Variants in SOX6 observed in about 807,000 individuals in gnomAD.
The protein encoded by SOX6 is SRY-box transcription factor 6, also known as transcription factor SOX-6.
Under a neutral mutation model 97.8 loss-of-function variants are expected in SOX6, and 11 were observed. The ratio of observed to expected loss-of-function variants is 0.11; its 90% CI spans 0.07 to 0.19. The LOEUF (loss-of-function observed/expected upper bound fraction) is 0.19. SOX6 is among the 10% of genes least tolerant of loss of function. SOX6 has a pLI of 1.00. For synonymous variants in SOX6, 360 were observed against 371.4 expected (o/e 0.97, Z 0.35); for missense variants, 810 against 1,039.5 (o/e 0.78, Z 3.04).
At chr11:16,104,942 C>A (rs955206773) in intron 7 of SOX6, among the ~76,000 whole-genome samples, 3 of 151,750 alleles carry the variant, frequency 2.0e-5, no homozygotes, top group African/African-American at 7.3e-5. Flanking sequence ...ATGGCTTTAC[C>A]AACGGATTCT....
Position 16,395,867 on chromosome 11 carries a change from C to T in SOX6, c.-4-54615G>A, listed in dbSNP as rs547763708. On this transcript the variant is annotated intron_variant, in intron 1 of 15. Transcript: ENST00000396356. ...CAACTATATTGGTAATATTTTATTT[C>T]TTATAAACACAGGTATTTATACCAT... is the stretch of plus-strand genomic sequence containing the variant. Among the ~76,000 whole-genome samples, 12 of 151,874 alleles carry T rather than the reference C, an allele frequency of 7.9e-5. No individual in the cohort carries two copies. In the South Asian group the frequency reaches 2.5e-3, roughly 31 times the overall value.
In SOX6 at chr11:16,393,253, C is replaced by T. The variant is rs556901861; in HGVS notation, c.-4-52001G>A. ...ATTCTTTTAACCTAAGGGAAGCTTTCGCCAATGAGCCCAGGAAAGAGTAAG... is the reference window on the plus strand; with the variant it reads ...ATTCTTTTAACCTAAGGGAAGCTTTTGCCAATGAGCCCAGGAAAGAGTAAG... On this transcript the variant is annotated intron_variant, in intron 1 of 15. Transcript: ENST00000396356. 3.3e-5 allele frequency among the ~76,000 whole-genome samples: 5 copies of T among 152,034 alleles called. No individual in the cohort carries two copies. In the South Asian group the frequency reaches 1.0e-3, roughly 32 times the overall value.
At chr11:16,371,458 T>C (rs1269416786) in intron 1 of SOX6, among the ~76,000 whole-genome samples, 1 of 151,836 alleles carries the variant, frequency 6.6e-6, no homozygotes, top group Non-Finnish European at 1.5e-5. Context: ...TATAATAACT[T>C]ACTTTTTCTT....
At chr11:16,720,523 T>G (rs1848252434) in intron 2 of SOX6, among the ~76,000 whole-genome samples, 1 of 123,036 alleles carries the variant, frequency 8.1e-6, no homozygotes, top group Non-Finnish European at 1.7e-5. Context: ...AAGGGGAACA[T>G]CACACTCTGG....
chr11:16,443,851 A>G (rs894750610), intron 1 of SOX6, among the ~76,000 whole-genome samples: 6 of 152,020 alleles, frequency 3.9e-5, no homozygotes, highest in African/African-American at 1.4e-4. Flanking sequence ...CATCTCTACT[A>G]AAAATACAAA....
intron 3 of SOX6, among the ~76,000 whole-genome samples, chr11:16,690,776 A>G (rs1050171354): frequency 6.6e-6 from 1 of 152,236 alleles, no homozygotes; most frequent in Non-Finnish European, 1.5e-5. Flanking sequence ...AGTGGGAATA[A>G]TAATTTGTGG....
intron 4 of SOX6, among the ~76,000 whole-genome samples, chr11:16,498,561 C>T (rs1341952436): frequency 6.6e-6 from 1 of 152,002 alleles, no homozygotes; most frequent in Non-Finnish European, 1.5e-5. Context: ...ATTCAGGAAA[C>T]CCATCTCACG....
intron 6 of SOX6, among the ~76,000 whole-genome samples, chr11:16,123,779 C>A (rs1412998067): frequency 6.6e-6 from 1 of 151,974 alleles, no homozygotes; most frequent in East Asian, 1.9e-4. Context: ...TTTTAAAAAG[C>A]AATTTAATTT....
At chr11:16,474,363 G>T (rs1383917150) in intron 1 of SOX6, among the ~76,000 whole-genome samples, 1 of 152,066 alleles carries the variant, frequency 6.6e-6, no homozygotes, top group Non-Finnish European at 1.5e-5. Flanking sequence ...ACGTTGCCCA[G>T]ATCAATTAGC....
chr11:16,132,339 AAAGAAAG>A (rs1290296750), intron 6 of SOX6, among the ~76,000 whole-genome samples: 2 of 19,334 alleles, frequency 1.0e-4, no homozygotes, highest in South Asian at 4.0e-3. Context: ...AGGAAAGAAA[AAAGAAAG>A]AAAGAAAGAA....
chr11:16,114,990 G>C (rs2133998911), intron 6 of SOX6, among the ~76,000 whole-genome samples: 1 of 152,252 alleles, frequency 6.6e-6, no homozygotes, highest in East Asian at 1.9e-4. Flanking sequence ...ATGCCAAAGA[G>C]CTGTAGGTGT....
At position 16,369,199 on chromosome 11, in the gene SOX6, T is replaced by C. The variant is rs1857440237; in HGVS notation, c.-4-27947A>G. On this transcript the variant is annotated intron_variant, in intron 1 of 15. Transcript: ENST00000396356. ...AGATACCACTTCATGTCCATTAGGA[T>C]GGCTATTACTAAAAAAAATGAAAAA... 2.6e-5 allele frequency among the ~76,000 whole-genome samples: 4 copies of C among 152,142 alleles called. No individual in the cohort carries two copies. The South Asian group carries it at 8.3e-4, about 32-fold the overall frequency.
At chr11:16,470,996 G>A (rs1230184203) in intron 1 of SOX6, among the ~76,000 whole-genome samples, 1 of 151,656 alleles carries the variant, frequency 6.6e-6, no homozygotes, top group South Asian at 2.1e-4. Flanking sequence ...AGTCAAGATA[G>A]AATTTTTTAA....
chr11:16,329,697 CACTT>C (rs1856223401), intron 2 of SOX6, among the ~76,000 whole-genome samples: 1 of 152,118 alleles, frequency 6.6e-6, no homozygotes, highest in South Asian at 2.1e-4. Context: ...AAAAATAAAA[CACTT>C]AGAACAGTGG....
At chr11:16,654,931 C>T (rs1847702687) in intron 3 of SOX6, among the ~76,000 whole-genome samples, 1 of 152,100 alleles carries the variant, frequency 6.6e-6, no homozygotes, top group South Asian at 2.1e-4. Flanking sequence ...ATCACTGTTC[C>T]CCTTTTCTAA....
chr11:15,988,949 G>T (rs752216140), intron 14 of SOX6, 48 bp downstream of exon 14: 11 of 1,552,364 alleles, frequency 7.1e-6, no homozygotes, highest in Non-Finnish European at 9.8e-6. Flanking sequence ...TGGCACTCAT[G>T]GGATTTGCAG....
At chr11:16,119,555 A>G (rs2134005095) in intron 6 of SOX6, among the ~76,000 whole-genome samples, 1 of 152,272 alleles carries the variant, frequency 6.6e-6, no homozygotes, top group East Asian at 1.9e-4. Flanking sequence ...ACTGTCCCAA[A>G]TGGCCTGTGC....
In SOX6 at chr11:16,227,973, G is replaced by A. The variant is rs12222546; in HGVS notation, c.535+6609C>T. 0.01 allele frequency among the ~76,000 whole-genome samples: 1,544 copies of A among 152,202 alleles called. 68 individuals carry two copies. The East Asian group carries it at 0.15, about 15-fold the overall frequency. On this transcript the variant is annotated intron_variant, in intron 4 of 15. Coordinates refer to ENST00000683767, the MANE Select transcript of SOX6 (RefSeq NM_001367873.1). ...AGCACTTTGGGAGGCCAAGGCAGGC[G>A]GATCAGCTGAGGTCATGAGTTCAAG...
intron 2 of SOX6, among the ~76,000 whole-genome samples, chr11:16,334,433 C>CTT (rs67280736): frequency 9.8e-4 from 145 of 147,492 alleles, no homozygotes; most frequent in South Asian, 1.3e-3. Context: ...AATGTCTCTA[C>CTT]TTTTTTTTTT....
Sources: allele counts gnomAD v4.1 joint callset (sites outside exome capture counted in the v4.1 genomes callset), GRCh38; gene constraint gnomAD v4.1.1; transcripts MANE v1.5; gene names NCBI Gene and HGNC (gene_info 2026-07-23, HGNC 2026-07-21).